The following SPOCK1 variants were observed in gnomAD, a reference collection of about 807,000 sequenced individuals.
The protein encoded by SPOCK1 is testican-1.
A neutral mutation model predicts 55.3 loss-of-function variants in SPOCK1; 23 were observed. That is an observed-to-expected ratio of 0.42 (90% CI 0.30 to 0.59). The LOEUF is 0.59. SPOCK1 is among the 20% of genes least tolerant of loss of function. The pLI is 0.22. For missense variants in SPOCK1, 499 were observed against 552.5 expected (o/e 0.90, Z 0.97); for synonymous variants, 226 against 221.0 (o/e 1.02, Z -0.20).
At chr5:137,319,521 T>C (rs1318491938) in intron 2 of SPOCK1, among the ~76,000 whole-genome samples, 2 of 152,242 alleles carry the variant, frequency 1.3e-5, no homozygotes, top group African/African-American at 4.8e-5. Context: ...AGTTATGTTT[T>C]CAGTAGAGTG....
chr5:137,191,724 T>C (rs992817609), intron 3 of SPOCK1, among the ~76,000 whole-genome samples: 1 of 152,194 alleles, frequency 6.6e-6, no homozygotes, highest in African/African-American at 2.4e-5. Flanking sequence ...ACACCACTGA[T>C]GACCTTCACT....
At chr5:137,350,823 G>A (rs1347079622) in intron 2 of SPOCK1, among the ~76,000 whole-genome samples, 2 of 151,604 alleles carry the variant, frequency 1.3e-5, no homozygotes, top group African/African-American at 2.4e-5. Flanking sequence ...GTGTGTCCAC[G>A]CACGTGTGCG....
intron 3 of SPOCK1, among the ~76,000 whole-genome samples, chr5:137,220,205 A>G (rs979508196): frequency 6.6e-6 from 1 of 152,190 alleles, no homozygotes; most frequent in African/African-American, 2.4e-5. Flanking sequence ...CCTCAAAATC[A>G]TGTCCTCCAC....
At chr5:137,122,774 C>G (rs886549537) in intron 4 of SPOCK1, among the ~76,000 whole-genome samples, 1 of 152,248 alleles carries the variant, frequency 6.6e-6, no homozygotes, top group Non-Finnish European at 1.5e-5. Context: ...CAAAGGTTGG[C>G]ACAAGCACAT....
intron 3 of SPOCK1, among the ~76,000 whole-genome samples, chr5:137,224,057 A>G (rs1285253622): frequency 6.6e-6 from 1 of 152,230 alleles, no homozygotes; most frequent in Non-Finnish European, 1.5e-5. Flanking sequence ...ACATTATAAC[A>G]GATGCTAAAC....
chr5:137,014,435 G>A (rs1008032694), intron 6 of SPOCK1, among the ~76,000 whole-genome samples: 22 of 152,172 alleles, frequency 1.4e-4, no homozygotes, highest in Non-Finnish European at 2.1e-4. Flanking sequence ...GTCCCAAGTA[G>A]GGGTGTGGTC....
intron 4 of SPOCK1, among the ~76,000 whole-genome samples, chr5:137,118,709 T>C (rs146231030): frequency 6.6e-6 from 1 of 152,336 alleles, no homozygotes; most frequent in East Asian, 1.9e-4. Flanking sequence ...AATATTTTAA[T>C]AATGGGGAAA....
chr5:137,254,840 G>C (rs989020691), intron 3 of SPOCK1, among the ~76,000 whole-genome samples: 2 of 152,216 alleles, frequency 1.3e-5, no homozygotes, highest in African/African-American at 4.8e-5. Flanking sequence ...GGCTCTGCCT[G>C]CCACTTGGCT....
intron 2 of SPOCK1, among the ~76,000 whole-genome samples, chr5:137,451,324 T>A (rs940009768): frequency 1.3e-5 from 2 of 152,184 alleles, no homozygotes; most frequent in Non-Finnish European, 2.9e-5. Context: ...AAAGTGACTG[T>A]CACAATACAC....
chr5:137,310,234 G>T (rs1316903874), intron 2 of SPOCK1, among the ~76,000 whole-genome samples: 1 of 152,004 alleles, frequency 6.6e-6, no homozygotes, highest in African/African-American at 2.4e-5. Flanking sequence ...GCTTAACACA[G>T]CTCCCAGCAT....
intron 3 of SPOCK1, among the ~76,000 whole-genome samples, chr5:137,261,797 G>A (rs1756746309): frequency 6.6e-6 from 1 of 152,172 alleles, no homozygotes; most frequent in African/African-American, 2.4e-5. Flanking sequence ...AAAGTCCCAT[G>A]CTAAATCTCT....
chr5:137,055,120 A>G (rs1752276179), intron 6 of SPOCK1, among the ~76,000 whole-genome samples: 1 of 152,196 alleles, frequency 6.6e-6, no homozygotes, highest in Non-Finnish European at 1.5e-5. Flanking sequence ...GACATGGAAA[A>G]CAGCTCAGCT....
At chr5:137,460,742 T>C (rs1753469955) in intron 2 of SPOCK1, among the ~76,000 whole-genome samples, 1 of 139,548 alleles carries the variant, frequency 7.2e-6, no homozygotes, top group African/African-American at 2.7e-5. Context: ...CATGGCCCTG[T>C]ATGATCTACA....
intron 3 of SPOCK1, among the ~76,000 whole-genome samples, chr5:137,194,264 A>G (rs1415361263): frequency 6.6e-6 from 1 of 152,224 alleles, no homozygotes; most frequent in African/African-American, 2.4e-5. Flanking sequence ...TGCAGATTCA[A>G]TAGCTCATCA....
At chr5:137,138,504 TACAC>T (rs34293195) in intron 4 of SPOCK1, among the ~76,000 whole-genome samples, 7 of 147,716 alleles carry the variant, frequency 4.7e-5, no homozygotes, top group Admixed American at 1.3e-4. Flanking sequence ...CACACAAACA[TACAC>T]ACACACACAC....
At chr5:137,383,581 T>G (rs1226316355) in intron 2 of SPOCK1, among the ~76,000 whole-genome samples, 1 of 152,156 alleles carries the variant, frequency 6.6e-6, no homozygotes, top group Admixed American at 6.5e-5. Context: ...TCTAGCTAGT[T>G]AAGATGGAGC....
At chr5:137,086,524 C>T (rs2107443) in intron 5 of SPOCK1, among the ~76,000 whole-genome samples, 53,296 of 151,938 alleles carry the variant, frequency 0.35, 9,679 homozygotes, top group Admixed American at 0.45. Flanking sequence ...GGCAGAGCAT[C>T]GTGTACAGAA....
intron 2 of SPOCK1, among the ~76,000 whole-genome samples, chr5:137,302,393 C>T (rs1383391854): frequency 7.3e-6 from 1 of 137,732 alleles, no homozygotes; most frequent in Non-Finnish European, 1.5e-5. Context: ...CACAGTGAAA[C>T]CCCGTCTCTA....
chr5:137,121,026 A>G (rs1262850700), intron 4 of SPOCK1, among the ~76,000 whole-genome samples: 2 of 152,198 alleles, frequency 1.3e-5, no homozygotes, highest in Admixed American at 1.3e-4. Flanking sequence ...GGGCCTGTTT[A>G]AGCTAAGCTA....
Sources: gnomAD v4.1 joint callset for allele counts (sites outside exome capture counted in the v4.1 genomes callset) on GRCh38, gnomAD v4.1.1 for gene constraint, MANE v1.5 for transcripts, NCBI Gene and HGNC (gene_info 2026-07-23, HGNC 2026-07-21) for gene names.